PCDHGA7: variants seen among roughly 807,000 people sequenced by gnomAD.
The protein encoded by PCDHGA7 is protocadherin gamma-A7.
Under a neutral mutation model 58.3 loss-of-function variants are expected in PCDHGA7, and 44 were observed. The observed-to-expected ratio is 0.75, with a 90% CI of 0.59 to 0.97. PCDHGA7 has a LOEUF of 0.97. PCDHGA7 is among the 50% of genes least tolerant of loss of function. The probability of loss-of-function intolerance (pLI) is 0.00; values close to 1 mark genes in which losing one functional copy is unlikely to be tolerated. For synonymous variants in PCDHGA7, 516 were observed against 504.2 expected (o/e 1.02, Z -0.31); for missense variants, 1,266 against 1,188.7 (o/e 1.06, Z -0.96).
intron 1 of PCDHGA7, chr5:141,393,114 CG>C: frequency 6.2e-7 from 1 of 1,613,418 alleles, no homozygotes; most frequent in Non-Finnish European, 8.5e-7. Flanking sequence ...TCAGAGCCCG[CG>C]GTGTCTGATA....
At position 141,431,367 on chromosome 5, in the gene PCDHGA7, A is replaced by G; in HGVS notation, c.2424+46044A>G. 1.2e-6 allele frequency: 2 copies of G among 1,613,984 alleles called. No homozygotes were observed. The highest frequency in any genetic ancestry group is 2.2e-5 in the South Asian group (2 of 91,084). On this transcript the variant is annotated intron_variant, in intron 1 of 3. Coordinates refer to ENST00000518325, the MANE Select transcript of PCDHGA7 (RefSeq NM_018920.4). This position sits in a 1 kb window ranked among gnomAD's most constrained non-coding sequence, Gnocchi z 4.8. ...GTGCTGAAACGCGCCCTGGACCGCGAAGAAAAGGCTGCTCACCACCTGGTC... is the reference window on the plus strand; with the variant it reads ...GTGCTGAAACGCGCCCTGGACCGCGGAGAAAAGGCTGCTCACCACCTGGTC...
intron 1 of PCDHGA7, chr5:141,428,275 G>A (rs566455986): frequency 6.5e-6 from 5 of 767,218 alleles, no homozygotes; most frequent in African/African-American, 3.4e-5. Context: ...TGTGCCCTCT[G>A]ATTCCCAAGC....
intron 1 of PCDHGA7, chr5:141,471,461 T>C (rs1409374601): frequency 6.6e-6 from 1 of 152,194 alleles, no homozygotes; most frequent in Non-Finnish European, 1.5e-5. Flanking sequence ...GAAAGATTAC[T>C]CAGGTCTCTG....
At chr5:141,450,829 A>ATTAT (rs1554136902) in intron 1 of PCDHGA7, among the ~76,000 whole-genome samples, 14 of 135,142 alleles carry the variant, frequency 1.0e-4, no homozygotes, top group African/African-American at 3.3e-4. Context: ...TATTATTATT[A>ATTAT]TTTTTTTTTT....
intron 1 of PCDHGA7, chr5:141,422,371 C>A: frequency 6.4e-7 from 1 of 1,567,208 alleles, no homozygotes; most frequent in South Asian, 1.2e-5. Context: ...AGAAAATGGT[C>A]AAGTCTCCTG....
rs754140602 is a variant in PCDHGA7 at position 141,410,043 on chromosome 5, C to G, written c.2424+24720C>G. Reference sequence around the variant, plus strand: ...TACCACGTGCTGCAGGCCAGTGAGCCCGGACTCTTCAGCCTGGGGCTGCGC... The same window carrying G: ...TACCACGTGCTGCAGGCCAGTGAGCGCGGACTCTTCAGCCTGGGGCTGCGC... On this transcript the variant is annotated intron_variant, in intron 1 of 3. Transcript: ENST00000518325. 13 of 1,613,080 alleles carry G rather than the reference C, an allele frequency of 8.1e-6. No homozygotes were observed. The South Asian group carries it at 1.2e-4, about 15-fold the overall frequency.
In PCDHGA7 at chr5:141,489,493, G is replaced by C. The variant is rs1485293604; in HGVS notation, c.2425-5314G>C. 3 of 1,614,078 alleles carry C rather than the reference G, an allele frequency of 1.9e-6. No homozygotes were observed. The South Asian group carries it at 3.3e-5, about 18-fold the overall frequency. On this transcript the variant is annotated intron_variant, in intron 1 of 3. Coordinates refer to ENST00000518325, the MANE Select transcript of PCDHGA7 (RefSeq NM_018920.4). This position sits in a 1 kb window ranked among gnomAD's most constrained non-coding sequence, Gnocchi z 4.5. Reference sequence around the variant, plus strand: ...CCTGAGCTTGATGAGTGGTGCCCTGGCAGTGAATCAAAAGATTGACCGAGA... The same window carrying C: ...CCTGAGCTTGATGAGTGGTGCCCTGCCAGTGAATCAAAAGATTGACCGAGA...
Position 141,485,751 on chromosome 5 carries a change from A to G in PCDHGA7, c.2425-9056A>G. ...CGCAGCGACGGCAGCCTGGTCCCAG[A>G]GCTGCTCCTGGAGAAGCCTTTGGAT... is the stretch of plus-strand genomic sequence containing the variant. On this transcript the variant is annotated intron_variant, in intron 1 of 3. Coordinates refer to ENST00000518325, the MANE Select transcript of PCDHGA7 (RefSeq NM_018920.4). This position sits in a 1 kb window ranked among gnomAD's most constrained non-coding sequence, Gnocchi z 5.7. 6.2e-7 allele frequency: 1 copy of G among 1,614,166 alleles called. No individual in the cohort carries two copies. Among genetic ancestry groups the G allele is most frequent in the Non-Finnish European group, 8.5e-7 (1 of 1,179,998 alleles).
chr5:141,427,915 T>C lies in PCDHGA7; in HGVS notation c.2424+42592T>C, dbSNP rs779333176. ...GGCTCGCCCGCGCTCAGCGCCAACATGAGCCGGCGCATGTTGGTGGGCGAC... is the reference window on the plus strand; with the variant it reads ...GGCTCGCCCGCGCTCAGCGCCAACACGAGCCGGCGCATGTTGGTGGGCGAC... On this transcript the variant is annotated intron_variant, in intron 1 of 3. Transcript: ENST00000518325. The C allele has an allele frequency of 7.0e-6, 11 of 1,578,094 alleles. No individual in the cohort carries two copies. In the Admixed American group the frequency reaches 8.4e-5, roughly 12 times the overall value.
rs2097424370 is a variant in PCDHGA7, at chr5:141,431,859, C to G, written c.2424+46536C>G. On this transcript the variant is annotated intron_variant, in intron 1 of 3. Coordinates refer to ENST00000518325, the MANE Select transcript of PCDHGA7 (RefSeq NM_018920.4). The surrounding 1 kb of genome is among the most constrained non-coding windows in gnomAD (Gnocchi z 4.8). ...AACTCTCCCAGAGGGACATTAATTG[C>G]CCTTTTAAATGTAAATGACCAAGAT... is the stretch of plus-strand genomic sequence containing the variant. The G allele has an allele frequency of 1.2e-6, 2 of 1,614,060 alleles. No individual in the cohort carries two copies. Among genetic ancestry groups the G allele is most frequent in the Middle Eastern group, 3.3e-4 (2 of 6,084 alleles).
At chr5:141,400,856 A>G (rs1026499885) in intron 1 of PCDHGA7, among the ~76,000 whole-genome samples, 6 of 152,192 alleles carry the variant, frequency 3.9e-5, no homozygotes, top group Non-Finnish European at 8.8e-5. Context: ...ATTTTATTGT[A>G]TGTAGATAAA....
chr5:141,482,622 A>G (rs1197606374), intron 1 of PCDHGA7, among the ~76,000 whole-genome samples: 1 of 151,936 alleles, frequency 6.6e-6, no homozygotes, highest in Non-Finnish European at 1.5e-5. Context: ...AGCCTGGAGA[A>G]AGGAAGAAAT....
chr5:141,423,230 G>C (rs1223173152), intron 1 of PCDHGA7: 1 of 1,613,872 alleles, frequency 6.2e-7, no homozygotes, highest in Admixed American at 1.7e-5. Context: ...GTGGCCGACA[G>C]CATCCCCGAA....
In PCDHGA7 at chr5:141,485,031, C is replaced by A; in HGVS notation, c.2425-9776C>A. On this transcript the variant is annotated intron_variant, in intron 1 of 3. Coordinates refer to ENST00000518325, the MANE Select transcript of PCDHGA7 (RefSeq NM_018920.4). The surrounding 1 kb of genome is among the most constrained non-coding windows in gnomAD (Gnocchi z 5.7). Reference sequence around the variant, plus strand: ...TACCCCGCCACCAGCAAAAACGGCGCGTAACCCTTGCGGCGCCGGCCGAAC... The same window carrying A: ...TACCCCGCCACCAGCAAAAACGGCGAGTAACCCTTGCGGCGCCGGCCGAAC... The A allele has an allele frequency of 1.5e-6, 1 of 680,514 alleles. No homozygotes were observed. Among genetic ancestry groups the A allele is most frequent in the South Asian group, 1.8e-5 (1 of 54,868 alleles). 42.2% of individuals were successfully genotyped at this position (680,514 alleles called of 1,614,324 possible). A position where few individuals can be genotyped will look rare whatever the true frequency, so the allele number is the denominator to read the frequency against.
intron 1 of PCDHGA7, among the ~76,000 whole-genome samples, chr5:141,406,540 A>C (rs1180847016): frequency 6.6e-6 from 1 of 152,216 alleles, no homozygotes; most frequent in Non-Finnish European, 1.5e-5. Context: ...ACGAAGATTC[A>C]AACTTCAGTT....
At chr5:141,470,511 A>T (rs1043414941) in intron 1 of PCDHGA7, among the ~76,000 whole-genome samples, 37 of 152,198 alleles carry the variant, frequency 2.4e-4, no homozygotes, top group African/African-American at 8.7e-4. Flanking sequence ...TTAGACAGTT[A>T]GCTAATATTA....
intron 1 of PCDHGA7, chr5:141,417,692 C>T (rs2096147964): frequency 1.8e-6 from 2 of 1,089,118 alleles, no homozygotes; most frequent in Non-Finnish European, 2.5e-6. Flanking sequence ...AAAAGAAAAC[C>T]AGCTCCCACA....
chr5:141,408,540 C>A (rs201370009), intron 1 of PCDHGA7: 1 of 1,614,046 alleles, frequency 6.2e-7, no homozygotes. Flanking sequence ...GTGGAAAATC[C>A]TTTAAATATT....
chr5:141,395,209 A>G, intron 1 of PCDHGA7: 1 of 1,613,372 alleles, frequency 6.2e-7, no homozygotes, highest in Non-Finnish European at 8.5e-7. Flanking sequence ...GATTTTCATG[A>G]ATATAAGAAT....
Sources: gnomAD v4.1 joint callset for allele counts (sites outside exome capture counted in the v4.1 genomes callset) on GRCh38, gnomAD v4.1.1 for gene constraint, Gnocchi (gnomAD v3.1) non-coding constraint, MANE v1.5 for transcripts, NCBI Gene and HGNC (gene_info 2026-07-23, HGNC 2026-07-21) for gene names.